MTA3: variants seen among roughly 807,000 people sequenced by gnomAD.
The protein encoded by MTA3 is metastasis-associated protein MTA3.
MTA3 carries 34 observed loss-of-function variants against 83.5 expected under a neutral mutation model. The ratio of observed to expected loss-of-function variants is 0.41; its 90% CI spans 0.31 to 0.54. The LOEUF (loss-of-function observed/expected upper bound fraction) is 0.54. MTA3 is among the 20% of genes least tolerant of loss of function. MTA3 has a pLI of 0.33. For missense variants in MTA3, 761 were observed against 726.4 expected (o/e 1.05, Z -0.55); for synonymous variants, 303 against 252.7 (o/e 1.20, Z -1.89).
chr2:42,753,413 C>G lies in MTA3; in HGVS notation c.*14C>G, dbSNP rs62144352. Reference sequence around the variant, plus strand: ...GTGTCAGACTGAGCTTTCCCTGATTCATTCTACAATCCAAGACTTGCTGCA... The same window carrying G: ...GTGTCAGACTGAGCTTTCCCTGATTGATTCTACAATCCAAGACTTGCTGCA... On this transcript the variant is annotated 3_prime_UTR_variant, in exon 17 of 17. Transcript: ENST00000405094. 3.1e-4 allele frequency: 481 copies of G among 1,550,586 alleles called. 6 individuals carry two copies. In the South Asian group the frequency reaches 5.2e-3, roughly 17 times the overall value.
intron 2 of MTA3, among the ~76,000 whole-genome samples, chr2:42,532,466 C>T (rs879915743): frequency 1.3e-5 from 2 of 152,034 alleles, no homozygotes; most frequent in Non-Finnish European, 2.9e-5. Flanking sequence ...GCCAAGACTG[C>T]GCCTCTGCAC....
Position 42,755,995 on chromosome 2 carries a change from C to G in MTA3, c.*2596C>G. 1 of 985,530 alleles carries G rather than the reference C, an allele frequency of 1.0e-6. No homozygotes were observed. Among genetic ancestry groups the G allele is most frequent in the East Asian group, 1.1e-4 (1 of 8,820 alleles). 61.0% of individuals were successfully genotyped at this position (985,530 alleles called of 1,614,324 possible). On this transcript the variant is annotated 3_prime_UTR_variant, in exon 17 of 17. Transcript: ENST00000405094. ...CTTCACAATTCCCCTTGTGCACAGC[C>G]CAGTTTCCATCTCTCAGGGCCCACC... is the stretch of plus-strand genomic sequence containing the variant.
intron 2 of MTA3, among the ~76,000 whole-genome samples, chr2:42,508,417 A>G (rs10184837): frequency 0.44 from 66,329 of 151,654 alleles, 15,819 homozygotes; most frequent in African/African-American, 0.64. Flanking sequence ...TTGCAGCCTC[A>G]ACCTCCTGGG....
At chr2:42,562,541 A>G (rs1677715745) in intron 2 of MTA3, among the ~76,000 whole-genome samples, 1 of 152,148 alleles carries the variant, frequency 6.6e-6, no homozygotes, top group South Asian at 2.1e-4. Context: ...AGCACAGGCC[A>G]TTCCCCCTTG....
At chr2:42,588,238 G>T (rs1680566575) in intron 3 of MTA3, among the ~76,000 whole-genome samples, 1 of 152,118 alleles carries the variant, frequency 6.6e-6, no homozygotes, top group African/African-American at 2.4e-5. Flanking sequence ...TTATATACAT[G>T]TAGATTCTAA....
chr2:42,578,672 G>A (rs1679303286), intron 2 of MTA3, among the ~76,000 whole-genome samples: 1 of 152,316 alleles, frequency 6.6e-6, no homozygotes, highest in South Asian at 2.1e-4. Context: ...TGCTTTCTGG[G>A]AATGGGTTTG....
At chr2:42,725,045 T>A (rs1667714290) in intron 16 of MTA3, among the ~76,000 whole-genome samples, 1 of 152,208 alleles carries the variant, frequency 6.6e-6, no homozygotes, top group Non-Finnish European at 1.5e-5. Context: ...GACCCATTTG[T>A]GTTTGCTCTG....
intron 4 of MTA3, among the ~76,000 whole-genome samples, chr2:42,633,039 C>T (rs1043286091): frequency 2.6e-5 from 4 of 151,080 alleles, no homozygotes; most frequent in African/African-American, 7.3e-5. Flanking sequence ...CTGAGGTGGG[C>T]GGATCATGAG....
At chr2:42,704,826 T>G (rs1265993661) in intron 12 of MTA3, among the ~76,000 whole-genome samples, 1 of 152,200 alleles carries the variant, frequency 6.6e-6, no homozygotes, top group African/African-American at 2.4e-5. Flanking sequence ...TCCCACTGTA[T>G]TTATCTATGG....
chr2:42,704,224 T>A lies in MTA3; in HGVS notation c.1056T>A (p.Thr352=). 1 of 1,613,896 alleles carries A rather than the reference T, an allele frequency of 6.2e-7. No homozygotes were observed. The highest frequency in any genetic ancestry group is 2.2e-5 in the East Asian group (1 of 44,882). ...AACCAAATCCCAACCAAATATCCAC[T>A]AGTAATGGGAAGCCTGGTGCTGTGA... The part of the protein sequence containing the change: ...YSKPNPNQIS[T]SNGKPGAVNG... Residue 352 remains threonine, a synonymous_variant, in exon 12 of 17, where the codon ACT becomes ACA. Coordinates refer to ENST00000405094, the MANE Select transcript of MTA3 (RefSeq NM_001330442.2).
intron 16 of MTA3, among the ~76,000 whole-genome samples, chr2:42,740,257 T>A (rs996861305): frequency 6.6e-6 from 1 of 152,230 alleles, no homozygotes; most frequent in African/African-American, 2.4e-5. Flanking sequence ...ACACCTGTAG[T>A]CCCAGCACTT....
intron 6 of MTA3, among the ~76,000 whole-genome samples, chr2:42,645,916 T>G (rs1182973953): frequency 1.3e-5 from 2 of 152,206 alleles, no homozygotes; most frequent in East Asian, 3.8e-4. Flanking sequence ...CAGCTTTCTA[T>G]TGGAAGAAGA....
At chr2:42,558,780 C>T (rs1572981403) in intron 2 of MTA3, among the ~76,000 whole-genome samples, 2 of 151,768 alleles carry the variant, frequency 1.3e-5, no homozygotes, top group African/African-American at 2.4e-5. Flanking sequence ...GTCTCAAACT[C>T]CTGAGCTCAT....
intron 3 of MTA3, among the ~76,000 whole-genome samples, chr2:42,582,455 T>C (rs1476403278): frequency 6.6e-6 from 1 of 152,192 alleles, no homozygotes; most frequent in Non-Finnish European, 1.5e-5. Context: ...TATAGATTTT[T>C]GCTATAACCA....
chr2:42,623,282 A>G (rs138460503), intron 4 of MTA3, among the ~76,000 whole-genome samples: 2 of 152,316 alleles, frequency 1.3e-5, no homozygotes, highest in East Asian at 3.9e-4. Context: ...ACTGAGGCCC[A>G]TTGTTTTCAG....
At chr2:42,542,937 C>T (rs2103751627) in intron 2 of MTA3, among the ~76,000 whole-genome samples, 1 of 152,192 alleles carries the variant, frequency 6.6e-6, no homozygotes, top group East Asian at 1.9e-4. Context: ...ACCAGAAACA[C>T]ATCAATCCCC....
chr2:42,735,773 A>G (rs904677252), intron 16 of MTA3, among the ~76,000 whole-genome samples: 6 of 152,180 alleles, frequency 3.9e-5, no homozygotes, highest in Non-Finnish European at 4.4e-5. Flanking sequence ...CAGTATGTCA[A>G]TTGCATTTTT....
intron 4 of MTA3, among the ~76,000 whole-genome samples, chr2:42,618,792 G>A (rs563308267): frequency 3.2e-4 from 49 of 152,060 alleles, no homozygotes; most frequent in African/African-American, 9.4e-4. Flanking sequence ...AATTTTTTTG[G>A]TAGAGTTCGG....
intron 8 of MTA3, among the ~76,000 whole-genome samples, chr2:42,676,765 C>G (rs1310698068): frequency 2.6e-5 from 4 of 152,010 alleles, no homozygotes; most frequent in Non-Finnish European, 5.9e-5. Context: ...GACCCTGTCT[C>G]CAAAGAAAAA....
Sources: gnomAD v4.1 joint callset for allele counts (sites outside exome capture counted in the v4.1 genomes callset) on GRCh38, gnomAD v4.1.1 for gene constraint, MANE v1.5 for transcripts, NCBI Gene and HGNC (gene_info 2026-07-23, HGNC 2026-07-21) for gene names.